AK5: variants seen among roughly 807,000 people sequenced by gnomAD.
AK5 encodes the protein adenylate kinase isoenzyme 5.
In AK5, 27 loss-of-function variants were observed where a neutral mutation model predicts 69.5. The observed-to-expected ratio is 0.39, with a 90% CI of 0.29 to 0.54. AK5 has a LOEUF of 0.54. Among genes scored for constraint, AK5 ranks in the 20% least tolerant of loss-of-function variants. The probability of loss-of-function intolerance (pLI) is 0.71; values close to 1 mark genes in which losing one functional copy is unlikely to be tolerated. For missense variants in AK5, 531 were observed against 700.4 expected (o/e 0.76, Z 2.73); for synonymous variants, 260 against 244.4 (o/e 1.06, Z -0.60).
intron 8 of AK5, among the ~76,000 whole-genome samples, chr1:77,467,372 C>T (rs952551879): frequency 6.6e-6 from 1 of 152,202 alleles, no homozygotes; most frequent in Admixed American, 6.5e-5. Flanking sequence ...TCCTTCCACC[C>T]CACAGACTTC....
chr1:77,338,811 C>T (rs1338432883), intron 5 of AK5, among the ~76,000 whole-genome samples: 1 of 152,168 alleles, frequency 6.6e-6, no homozygotes, highest in Admixed American at 6.5e-5. Flanking sequence ...GTATTGAGCA[C>T]CTGCCATGAA....
At chr1:77,297,102 T>A (rs1388879898) in intron 3 of AK5, among the ~76,000 whole-genome samples, 1 of 152,186 alleles carries the variant, frequency 6.6e-6, no homozygotes, top group Non-Finnish European at 1.5e-5. Context: ...GTGTAAATAC[T>A]GGTAGGCGTT....
intron 13 of AK5, among the ~76,000 whole-genome samples, chr1:77,546,056 G>C (rs1036336832): frequency 4.5e-4 from 69 of 152,074 alleles, no homozygotes; most frequent in African/African-American, 1.6e-3. Flanking sequence ...CCAGATTCCC[G>C]CAAAGACGTT....
chr1:77,367,820 A>AATATATGTTATATG (rs1647014307), intron 6 of AK5, among the ~76,000 whole-genome samples: 1 of 32,630 alleles, frequency 3.1e-5, no homozygotes, highest in Non-Finnish European at 4.8e-5. Flanking sequence ...TGTTATATAT[A>AATATATGTTATATG]TTATATATAA....
At chr1:77,502,716 T>A (rs12040471) in intron 10 of AK5, among the ~76,000 whole-genome samples, 25,899 of 152,126 alleles carry the variant, frequency 0.17, 2,470 homozygotes, top group Non-Finnish European at 0.18. Flanking sequence ...TGTTACCAAC[T>A]ATGTCCATGG....
At chr1:77,450,397 G>A (rs1653071696) in intron 8 of AK5, among the ~76,000 whole-genome samples, 1 of 152,116 alleles carries the variant, frequency 6.6e-6, no homozygotes, top group Non-Finnish European at 1.5e-5. Flanking sequence ...TGCTCATAAA[G>A]ACAAACCCCT....
intron 6 of AK5, among the ~76,000 whole-genome samples, chr1:77,397,482 G>A (rs1447814544): frequency 6.6e-6 from 1 of 152,174 alleles, no homozygotes; most frequent in Non-Finnish European, 1.5e-5. Flanking sequence ...GGAAACATTA[G>A]CACAATTTTT....
intron 10 of AK5, among the ~76,000 whole-genome samples, chr1:77,500,058 A>G (rs1431073684): frequency 1.3e-5 from 2 of 151,880 alleles, no homozygotes; most frequent in Admixed American, 6.6e-5. Flanking sequence ...ACCCATTATC[A>G]GAAGCAAATG....
chr1:77,443,557 T>G (rs1202292563), intron 8 of AK5, among the ~76,000 whole-genome samples: 2 of 152,156 alleles, frequency 1.3e-5, no homozygotes, highest in African/African-American at 4.8e-5. Context: ...GGAGGGCCTA[T>G]CAGTACTTCT....
At position 77,353,162 on chromosome 1, in the gene AK5, C is replaced by T. The variant is rs1349356724; in HGVS notation, c.891+12594C>T. Among the ~76,000 whole-genome samples the T allele has an allele frequency of 3.9e-5, 6 of 152,212 alleles. No individual in the cohort carries two copies. The South Asian group carries it at 1.0e-3, about 26-fold the overall frequency. On this transcript the variant is annotated intron_variant, in intron 6 of 13. Transcript: ENST00000354567. ...ATTTTTAACTATTTTAATCACTCACCTCTGTCATGTAGGTATTAAAATTAT... is the reference window on the plus strand; with the variant it reads ...ATTTTTAACTATTTTAATCACTCACTTCTGTCATGTAGGTATTAAAATTAT...
intron 7 of AK5, among the ~76,000 whole-genome samples, chr1:77,414,915 C>T (rs1557574706): frequency 6.6e-6 from 1 of 151,968 alleles, no homozygotes; most frequent in Non-Finnish European, 1.5e-5. Flanking sequence ...ACCAAGAAAC[C>T]AATGCTAAAA....
At chr1:77,467,181 C>G (rs151207303) in intron 8 of AK5, among the ~76,000 whole-genome samples, 1 of 152,296 alleles carries the variant, frequency 6.6e-6, no homozygotes, top group East Asian at 1.9e-4. Flanking sequence ...CTTTGGAGTT[C>G]AGTCCCCTGG....
At chr1:77,505,840 G>C (rs1432372408) in intron 10 of AK5, among the ~76,000 whole-genome samples, 1 of 152,054 alleles carries the variant, frequency 6.6e-6, no homozygotes, top group African/African-American at 2.4e-5. Context: ...AGGTGGAGAT[G>C]GCAGTGAGCC....
intron 10 of AK5, among the ~76,000 whole-genome samples, chr1:77,512,334 C>T (rs1017611692): frequency 6.6e-6 from 1 of 152,128 alleles, no homozygotes; most frequent in African/African-American, 2.4e-5. Flanking sequence ...GAATTAATGG[C>T]TAGTTCCCAA....
At chr1:77,422,167 G>A (rs1650859614) in intron 8 of AK5, among the ~76,000 whole-genome samples, 1 of 152,060 alleles carries the variant, frequency 6.6e-6, no homozygotes, top group African/African-American at 2.4e-5. Context: ...TGATCAAGAA[G>A]CTACTCAGTT....
chr1:77,361,687 T>C (rs1646868066), intron 6 of AK5, among the ~76,000 whole-genome samples: 1 of 152,104 alleles, frequency 6.6e-6, no homozygotes, highest in African/African-American at 2.4e-5. Flanking sequence ...CTCACGATAA[T>C]GGCAGAAGGC....
chr1:77,454,931 A>T (rs74092624), intron 8 of AK5, among the ~76,000 whole-genome samples: 6,939 of 152,246 alleles, frequency 0.046, 403 homozygotes, highest in East Asian at 0.19. Context: ...AAGATAGTTA[A>T]TCATGTTGCC....
At chr1:77,528,808 AG>A (rs1243524403) in intron 12 of AK5, among the ~76,000 whole-genome samples, 1 of 152,210 alleles carries the variant, frequency 6.6e-6, no homozygotes, top group African/African-American at 2.4e-5. Flanking sequence ...CCCTGGTTAT[AG>A]TGACTCTGGT....
At chr1:77,517,136 T>C (rs1164188642) in intron 10 of AK5, among the ~76,000 whole-genome samples, 1 of 151,282 alleles carries the variant, frequency 6.6e-6, no homozygotes, top group Non-Finnish European at 1.5e-5. Flanking sequence ...TCGGACTAGA[T>C]TCTGGAGAGT....
Sources: gnomAD v4.1 joint callset for allele counts (sites outside exome capture counted in the v4.1 genomes callset) on GRCh38, gnomAD v4.1.1 for gene constraint, MANE v1.5 for transcripts, NCBI Gene and HGNC (gene_info 2026-07-23, HGNC 2026-07-21) for gene names.